RBFOX1: variants seen among roughly 807,000 people sequenced by gnomAD.
The protein encoded by RBFOX1 is RNA binding protein fox-1 homolog 1.
Under a neutral mutation model 57.7 loss-of-function variants are expected in RBFOX1, and 8 were observed. The observed-to-expected ratio is 0.14, with a 90% CI of 0.08 to 0.25. RBFOX1 has a LOEUF of 0.25. Ranked by LOEUF, RBFOX1 falls within the 10% of genes least tolerant of loss-of-function variation. The pLI is 1.00. For missense variants in RBFOX1, 611 were observed against 548.5 expected, an observed-to-expected ratio of 1.11 and a Z score of -1.14; for synonymous variants, 326 against 222.4, an observed-to-expected ratio of 1.47 and a Z score of -4.15.
At chr16:5,399,845 T>C (rs1056208505) in intron 1 of RBFOX1, among the ~76,000 whole-genome samples, 1 of 152,134 alleles carries the variant, frequency 6.6e-6, no homozygotes, top group African/African-American at 2.4e-5. Flanking sequence ...TTAAAGATGA[T>C]TGGTTTTGAA....
In RBFOX1 at chr16:7,252,900, A is replaced by G. The variant is rs560469146; in HGVS notation, c.27+200802A>G. 3.9e-5 allele frequency among the ~76,000 whole-genome samples: 6 copies of G among 152,246 alleles called. No homozygotes were observed. In the South Asian group the frequency reaches 1.0e-3, roughly 26 times the overall value. On this transcript the variant is annotated intron_variant, in intron 4 of 15. Transcript: ENST00000550418. The stretch of plus-strand genomic sequence containing the variant: ...CCTACCCATATTTGGCAGAGCCGTT[A>G]TCTTAGAGCCTCCAAAAATGCATGT...
chr16:5,832,423 C>T (rs567542795), intron 3 of RBFOX1, among the ~76,000 whole-genome samples: 2 of 152,282 alleles, frequency 1.3e-5, no homozygotes, highest in East Asian at 1.9e-4. Context: ...ATCTTGGGAT[C>T]GTTACTTGAC....
At chr16:5,243,067 C>T (rs950145322) in intron 1 of RBFOX1, among the ~76,000 whole-genome samples, 7 of 152,050 alleles carry the variant, frequency 4.6e-5, no homozygotes, top group African/African-American at 1.4e-4. Context: ...TATCCACAAA[C>T]ACCCACCCCA....
At chr16:5,618,484 C>T (rs1157596257) in intron 3 of RBFOX1, among the ~76,000 whole-genome samples, 1 of 152,086 alleles carries the variant, frequency 6.6e-6, no homozygotes, top group Non-Finnish European at 1.5e-5. Context: ...ACTACAGGCG[C>T]CCGCCATCAC....
intron 4 of RBFOX1, among the ~76,000 whole-genome samples, chr16:7,129,142 A>G (rs1009978372): frequency 6.6e-6 from 1 of 152,050 alleles, no homozygotes; most frequent in Non-Finnish European, 1.5e-5. Context: ...AACTTGCCCA[A>G]AGTTAGATTT....
intron 2 of RBFOX1, among the ~76,000 whole-genome samples, chr16:6,612,892 A>G (rs1254625665): frequency 2.0e-5 from 3 of 148,724 alleles, no homozygotes; most frequent in Admixed American, 1.4e-4. Context: ...TGTTTGTTCC[A>G]GAGGGCTGTT....
At chr16:5,830,094 C>G (rs2056211079) in intron 3 of RBFOX1, among the ~76,000 whole-genome samples, 1 of 152,180 alleles carries the variant, frequency 6.6e-6, no homozygotes. Flanking sequence ...CTAGGATTGT[C>G]TAGCATCCAT....
chr16:5,489,915 G>A (rs1332709050), intron 2 of RBFOX1, among the ~76,000 whole-genome samples: 3 of 152,310 alleles, frequency 2.0e-5, no homozygotes, highest in African/African-American at 7.2e-5. Flanking sequence ...CACCTTAAGC[G>A]CTGAATCCAA....
intron 4 of RBFOX1, among the ~76,000 whole-genome samples, chr16:7,160,754 TTCC>T (rs1252043605): frequency 6.6e-6 from 1 of 151,508 alleles, no homozygotes; most frequent in Non-Finnish European, 1.5e-5. Flanking sequence ...CCTATGTCTA[TTCC>T]TCCTCCTCCT....
chr16:6,927,414 CAAAA>C (rs1194663760), intron 3 of RBFOX1, among the ~76,000 whole-genome samples: 11 of 53,144 alleles, frequency 2.1e-4, no homozygotes, highest in East Asian at 6.2e-4. Context: ...CGCTTTCTCA[CAAAA>C]AAAAAAAAAA....
At chr16:5,251,457 C>A (rs1418059143) in intron 1 of RBFOX1, among the ~76,000 whole-genome samples, 1 of 152,158 alleles carries the variant, frequency 6.6e-6, no homozygotes, top group Non-Finnish European at 1.5e-5. Flanking sequence ...GGGGCATTGT[C>A]TTAGTGCCGA....
At chr16:5,442,465 A>G (rs1478543568) in intron 1 of RBFOX1, among the ~76,000 whole-genome samples, 1 of 152,192 alleles carries the variant, frequency 6.6e-6, no homozygotes, top group Non-Finnish European at 1.5e-5. Context: ...CAGGGTGCTG[A>G]GTGGAGGCAG....
At chr16:7,157,916 C>T (rs920673295) in intron 4 of RBFOX1, among the ~76,000 whole-genome samples, 4 of 152,266 alleles carry the variant, frequency 2.6e-5, no homozygotes, top group Middle Eastern at 3.4e-3. Flanking sequence ...TTCCGAGGAG[C>T]TGTGTTTGCT....
chr16:5,451,913 C>T (rs922025270), intron 1 of RBFOX1, among the ~76,000 whole-genome samples: 6 of 152,164 alleles, frequency 3.9e-5, no homozygotes, highest in African/African-American at 1.4e-4. Flanking sequence ...TACCTCTGGG[C>T]TTCTCCCTGA....
chr16:5,556,896 G>A (rs962721640), intron 2 of RBFOX1, among the ~76,000 whole-genome samples: 8 of 152,182 alleles, frequency 5.3e-5, no homozygotes, highest in African/African-American at 1.9e-4. Flanking sequence ...AGGCTCTGGG[G>A]ATTTCTGCAG....
chr16:6,721,927 T>C, intron 3 of RBFOX1: 1 of 151,680 alleles, frequency 6.6e-6, no homozygotes, highest in Middle Eastern at 6.1e-4. Context: ...CATTTCCACA[T>C]CCCTGCTCAA....
chr16:5,956,390 A>G (rs1235152349), intron 4 of RBFOX1, among the ~76,000 whole-genome samples: 1 of 152,010 alleles, frequency 6.6e-6, no homozygotes, highest in Non-Finnish European at 1.5e-5. Flanking sequence ...ATTTATATGA[A>G]AAATTATGGT....
intron 4 of RBFOX1, among the ~76,000 whole-genome samples, chr16:7,299,069 A>C (rs2095968164): frequency 6.6e-6 from 1 of 152,214 alleles, no homozygotes. Context: ...TAGAATAGTT[A>C]CTTTGAAAGA....
chr16:7,231,422 T>G (rs2093485933), intron 4 of RBFOX1, among the ~76,000 whole-genome samples: 1 of 152,174 alleles, frequency 6.6e-6, no homozygotes, highest in South Asian at 2.1e-4. Flanking sequence ...ACACAGCTCC[T>G]AAGAGCAAAC....
Sources: allele counts gnomAD v4.1 joint callset (sites outside exome capture counted in the v4.1 genomes callset), GRCh38; gene constraint gnomAD v4.1.1; transcripts MANE v1.5; gene names NCBI Gene and HGNC (gene_info 2026-07-23, HGNC 2026-07-21).